The following NDC1 variants were observed in gnomAD, a reference collection of about 807,000 sequenced individuals.
NDC1 encodes NDC1 transmembrane nucleoporin, also known as nucleoporin NDC1.
Under a neutral mutation model 89.8 loss-of-function variants are expected in NDC1, and 24 were observed. That is an observed-to-expected ratio of 0.27 (90% CI 0.19 to 0.38). The LOEUF is 0.38. Ranked by LOEUF, NDC1 falls within the 10% of genes least tolerant of loss-of-function variation. The pLI is 1.00. For missense variants in NDC1, 728 were observed against 797.6 expected (o/e 0.91, Z 1.05); for synonymous variants, 296 against 284.8 (o/e 1.04, Z -0.39).
intron 9 of NDC1, among the ~76,000 whole-genome samples, chr1:53,806,073 C>CA (rs879796373): frequency 5.7e-4 from 77 of 135,836 alleles, no homozygotes; most frequent in Admixed American, 8.9e-4. Flanking sequence ...GACTCCGTCT[C>CA]AAAAAAAAAA....
chr1:53,781,005 C>G (rs1332345484), intron 16 of NDC1, among the ~76,000 whole-genome samples: 1 of 151,932 alleles, frequency 6.6e-6, no homozygotes, highest in African/African-American at 2.4e-5. Flanking sequence ...AAGCTAGCAT[C>G]ATCACACCTG....
Position 53,832,776 on chromosome 1 carries a change from G to A in NDC1, c.179-185C>T, listed in dbSNP as rs1304267297. ...ATATCAACTCAAGAACTACAGTGTGGGCTGGGCATGGGGGGATCACTAAGC... is the reference window on the plus strand; with the variant it reads ...ATATCAACTCAAGAACTACAGTGTGAGCTGGGCATGGGGGGATCACTAAGC... On this transcript the variant is annotated intron_variant, in intron 2 of 17. Transcript: ENST00000371429. Among the ~76,000 whole-genome samples the A allele has an allele frequency of 3.3e-5, 5 of 152,124 alleles. No individual in the cohort carries two copies. In the South Asian group the frequency reaches 1.0e-3, roughly 32 times the overall value.
chr1:53,834,696 A>G (rs1049166160), intron 2 of NDC1, among the ~76,000 whole-genome samples: 5 of 152,226 alleles, frequency 3.3e-5, no homozygotes, highest in African/African-American at 1.2e-4. Flanking sequence ...AGGAAGGATA[A>G]GAAGTAATAT....
Position 53,806,370 on chromosome 1 carries a change from G to T in NDC1, c.984+55C>A. 3.6e-6 allele frequency: 4 copies of T among 1,116,354 alleles called. No individual in the cohort carries two copies. In the Middle Eastern group the frequency reaches 6.1e-4, roughly 170 times the overall value. 69.2% of individuals were successfully genotyped at this position (1,116,354 alleles called of 1,614,324 possible). On this transcript the variant is annotated intron_variant, in intron 9 of 17. Coordinates refer to ENST00000371429, the MANE Select transcript of NDC1 (RefSeq NM_018087.5). ...TACTTAAATATACTAAATATTAAGT[G>T]TATTGAATAAAGTTAGAGAAAACTG...
chr1:53,800,715 T>A lies in NDC1; in HGVS notation c.1200A>T (p.Glu400Asp). The change falls in exon 11 of 18, where the codon GAA (glutamate) becomes GAT (aspartate). Residue 400 changes from glutamate to aspartate, a missense_variant. Transcript: ENST00000371429. ...TACCTGGAGAATTTAATTTCTTAGG[T>A]TCCACTGGGTAAGATGAAGACACTC... Reference protein sequence around the residue: ...NGRVSSSYPVEPKKLNSPEET... With the variant: ...NGRVSSSYPVDPKKLNSPEET... 6.2e-7 allele frequency: 1 copy of A among 1,614,114 alleles called. No individual in the cohort carries two copies. Among genetic ancestry groups the A allele is most frequent in the Non-Finnish European group, 8.5e-7 (1 of 1,179,970 alleles).
chr1:53,823,914 G>A (rs1648753850), intron 5 of NDC1, among the ~76,000 whole-genome samples: 1 of 152,124 alleles, frequency 6.6e-6, no homozygotes, highest in African/African-American at 2.4e-5. Context: ...GATGCAACAG[G>A]CATGTGAAAA....
chr1:53,792,550 G>C (rs1340813175), intron 14 of NDC1, among the ~76,000 whole-genome samples: 1 of 152,186 alleles, frequency 6.6e-6, no homozygotes, highest in East Asian at 1.9e-4. Flanking sequence ...GGTATTAATG[G>C]AGTGAGCGTG....
chr1:53,805,013 C>T (rs939028126), intron 9 of NDC1, among the ~76,000 whole-genome samples: 2 of 152,126 alleles, frequency 1.3e-5, no homozygotes, highest in Non-Finnish European at 2.9e-5. Flanking sequence ...CAGAGACTGA[C>T]GTACCACTAA....
In NDC1 at chr1:53,832,826, C is replaced by T. The variant is rs1649108996; in HGVS notation, c.179-235G>A. On this transcript the variant is annotated intron_variant, in intron 2 of 17. Transcript: ENST00000371429. ...CCAGGGAGCTCAAGACCATCCTGGG[C>T]ACATGACAAAACCCTATCTCTACAA... 1.3e-5 allele frequency among the ~76,000 whole-genome samples: 2 copies of T among 152,042 alleles called. 1 individual carries two copies. Among genetic ancestry groups the T allele is most frequent in the South Asian group, 4.1e-4 (2 of 4,820 alleles).
chr1:53,797,586 C>T (rs1488868007), intron 11 of NDC1, among the ~76,000 whole-genome samples: 1 of 152,066 alleles, frequency 6.6e-6, no homozygotes, highest in African/African-American at 2.4e-5. Flanking sequence ...AAAATATTAA[C>T]CTTACCCCAT....
chr1:53,781,841 A>G (rs890363152), intron 16 of NDC1, among the ~76,000 whole-genome samples: 24 of 152,172 alleles, frequency 1.6e-4, no homozygotes, highest in African/African-American at 5.3e-4. Context: ...TAATCAACCC[A>G]TTGCATCAGA....
intron 16 of NDC1, among the ~76,000 whole-genome samples, chr1:53,778,258 T>TAC (rs772345616): frequency 0.02 from 2,490 of 122,448 alleles, 22 homozygotes; most frequent in Non-Finnish European, 0.031. Flanking sequence ...TGTGTGTGTA[T>TAC]ATACACACAC....
chr1:53,789,218 T>C lies in NDC1; in HGVS notation c.1636-22A>G, dbSNP rs767660252. ...GGTGCTACAAATAAAAACAAAAACA[T>C]TCAAGTGAATTCCCCTGAGCAAAAA... On this transcript the variant is annotated intron_variant, in intron 14 of 17. Transcript: ENST00000371429. 4.5e-6 allele frequency: 7 copies of C among 1,542,466 alleles called. No homozygotes were observed. In the Admixed American group the frequency reaches 8.9e-5, roughly 20 times the overall value.
chr1:53,782,605 C>T (rs760650544), intron 16 of NDC1, among the ~76,000 whole-genome samples: 12 of 152,188 alleles, frequency 7.9e-5, no homozygotes, highest in Non-Finnish European at 1.3e-4. Flanking sequence ...AACGGCTGTG[C>T]CTGGAGCAAG....
At position 53,831,712 on chromosome 1, in the gene NDC1, G is replaced by A. The variant is rs1169615212; in HGVS notation, c.280+778C>T. On this transcript the variant is annotated intron_variant, in intron 3 of 17. Coordinates refer to ENST00000371429, the MANE Select transcript of NDC1 (RefSeq NM_018087.5). Reference sequence around the variant, plus strand: ...AAATGATGTTATAGTAAAAAAATAAGAGTCAGGAAAAGCTTCTTATTGTAT... The same window carrying A: ...AAATGATGTTATAGTAAAAAAATAAAAGTCAGGAAAAGCTTCTTATTGTAT... Among the ~76,000 whole-genome samples, 3 of 151,448 alleles carry A rather than the reference G, an allele frequency of 2.0e-5. No homozygotes were observed. The East Asian group carries it at 5.8e-4, about 29-fold the overall frequency.
At chr1:53,818,134 C>T (rs982830411) in intron 6 of NDC1, among the ~76,000 whole-genome samples, 8 of 152,064 alleles carry the variant, frequency 5.3e-5, no homozygotes, top group African/African-American at 1.9e-4. Flanking sequence ...AAAAAACCTA[C>T]ACATAAAATT....
intron 11 of NDC1, among the ~76,000 whole-genome samples, chr1:53,797,732 C>T (rs537026941): frequency 2.4e-4 from 36 of 152,232 alleles, no homozygotes; most frequent in Non-Finnish European, 3.8e-4. Flanking sequence ...GGGGCTCCAG[C>T]GATCCTCCCA....
At chr1:53,785,016 C>T (rs778255956) in intron 16 of NDC1, among the ~76,000 whole-genome samples, 4 of 151,846 alleles carry the variant, frequency 2.6e-5, no homozygotes, top group Non-Finnish European at 5.9e-5. Flanking sequence ...GGGTCTACTG[C>T]ACTGCTAATG....
intron 1 of NDC1, among the ~76,000 whole-genome samples, chr1:53,836,094 A>G (rs797008120): frequency 3.3e-5 from 5 of 152,338 alleles, no homozygotes; most frequent in African/African-American, 9.6e-5. Context: ...TTACTGCTGA[A>G]TAATACAAGA....
Sources: gnomAD v4.1 joint callset for allele counts (sites outside exome capture counted in the v4.1 genomes callset) on GRCh38, gnomAD v4.1.1 for gene constraint, MANE v1.5 for transcripts, NCBI Gene and HGNC (gene_info 2026-07-23, HGNC 2026-07-21) for gene names.